Variants in UNC13D observed in about 807,000 individuals in gnomAD.
UNC13D encodes the protein unc-13 homolog D.
A neutral mutation model predicts 151.7 loss-of-function variants in UNC13D; 115 were observed. That is an observed-to-expected ratio of 0.76 (90% CI 0.65 to 0.88). The LOEUF is 0.88. UNC13D is among the 40% of genes least tolerant of loss of function. The probability of loss-of-function intolerance (pLI) is 0.00; values close to 1 mark genes in which losing one functional copy is unlikely to be tolerated. For missense variants in UNC13D, 1,369 were observed against 1,438.7 expected, an observed-to-expected ratio of 0.95 and a Z score of 0.78; for synonymous variants, 588 against 612.2, an observed-to-expected ratio of 0.96 and a Z score of 0.58.
chr17:75,834,549 A>C lies in UNC13D; in HGVS notation c.2092-18T>G, dbSNP rs1364393318. On this transcript the variant is annotated intron_variant, in intron 22 of 31. Transcript: ENST00000207549. ...ACACACAGCTGGGACAGAGATGCAG[A>C]GCTTCCTGAACTGTGCCCAGGCTGG... 2 of 1,605,494 alleles carry C rather than the reference A, an allele frequency of 1.2e-6. No individual in the cohort carries two copies. The highest frequency in any genetic ancestry group is 2.7e-5 in the African/African-American group (2 of 74,844).
chr17:75,830,085 C>T lies in UNC13D; in HGVS notation c.2897G>A (p.Arg966Gln), dbSNP rs761351250. Residue 966 changes from arginine (R) to glutamine (Q), a missense_variant, in exon 30 of 32, where the codon CGG (arginine) becomes CAG (glutamine). Around this residue, in one of 3 missense-constraint regions of UNC13D, gnomAD observed 807 missense variants for 795.5 expected, o/e 1.01. Coordinates refer to ENST00000207549, the MANE Select transcript of UNC13D (RefSeq NM_199242.3). ...GTCCTTCTTGTGCTTCTGGGTCTCC[C>T]GGGCGGCCAGCTCAGGGAACTCATG... Reference protein sequence around the residue: ...PRHEFPELAARETQKHKKDLH... With the variant: ...PRHEFPELAAQETQKHKKDLH... 5.6e-5 allele frequency: 88 copies of T among 1,579,478 alleles called. 1 individual carries two copies. Among genetic ancestry groups the T allele is most frequent in the South Asian group, 5.1e-4 (44 of 86,178 alleles).
At chr17:75,830,241 T>G (rs997636090) in intron 29 of UNC13D, 90 bp from the exon 30 acceptor site, 3 of 1,554,338 alleles carry the variant, frequency 1.9e-6, no homozygotes, top group Non-Finnish European at 2.6e-6. Context: ...CACTGACCCC[T>G]CCTGGTAACT....
Position 75,834,505 on chromosome 17 carries a change from C to G in UNC13D, c.2118G>C (p.Glu706Asp). Residue 706 changes from glutamate (E) to aspartate (D), a missense_variant, in exon 23 of 32, where the codon GAG becomes GAC. Physicochemically the swap from Glu to Asp is conservative, Grantham distance 45. Coordinates refer to ENST00000207549, the MANE Select transcript of UNC13D (RefSeq NM_199242.3). ...ACTTGCCGATCACCAGCCGCAGCTG[C>G]TCCATGTCATTCACCACCACACACA... is the stretch of plus-strand genomic sequence containing the variant. Reference protein sequence around the residue: ...NMLCVVVNDMEQLRLVIGKLP... With the variant: ...NMLCVVVNDMDQLRLVIGKLP... 6.3e-7 allele frequency: 1 copy of G among 1,581,322 alleles called. No homozygotes were observed.
intron 6 of UNC13D, 113 bp downstream of exon 6, chr17:75,842,320 G>C: frequency 6.9e-7 from 1 of 1,443,884 alleles, no homozygotes. Flanking sequence ...TCTTTGCCCA[G>C]GGCCAAACCC....
chr17:75,840,684 C>T lies in UNC13D; in HGVS notation c.683+78G>A. ...CTGGACCCCAAAGGAGCCTGCACCCCAGCATCCAGTGTGCATGTTGGGGGA... is the reference window on the plus strand; with the variant it reads ...CTGGACCCCAAAGGAGCCTGCACCCTAGCATCCAGTGTGCATGTTGGGGGA... On this transcript the variant is annotated intron_variant, in intron 8 of 31. Coordinates refer to ENST00000207549, the MANE Select transcript of UNC13D (RefSeq NM_199242.3). The surrounding 1 kb of genome is among the most constrained non-coding windows in gnomAD (Gnocchi z 4.6). The T allele has an allele frequency of 6.2e-7, 1 of 1,608,882 alleles. No homozygotes were observed. The highest frequency in any genetic ancestry group is 1.7e-5 in the Admixed American group (1 of 60,014).
In UNC13D at chr17:75,831,294, G is replaced by A; in HGVS notation, c.2502C>T (p.Ala834=). 1 of 1,613,788 alleles carries A rather than the reference G, an allele frequency of 6.2e-7. No individual in the cohort carries two copies. The highest frequency in any genetic ancestry group is 8.5e-7 in the Non-Finnish European group (1 of 1,180,028). ...HTLTVLVEAA[A]SQRSSSLASN... is the part of the protein sequence containing the mutation. ...AAGCCAGGGATGAGCTGCGCTGGGA[G>A]GCGGCCGCCTCCACCAGCACTGTGA... Residue 834 remains alanine (A), a synonymous_variant, in exon 26 of 32, where the codon GCC becomes GCT. Coordinates refer to ENST00000207549, the MANE Select transcript of UNC13D (RefSeq NM_199242.3).
rs2064865218 is a variant in UNC13D at position 75,830,617 on chromosome 17, T to G, written c.2670A>C (p.Glu890Asp). 1 of 1,558,140 alleles carries G rather than the reference T, an allele frequency of 6.4e-7. No homozygotes were observed. Among genetic ancestry groups the G allele is most frequent in the Non-Finnish European group, 8.7e-7 (1 of 1,151,292 alleles). The change falls in exon 28 of 32, where the codon GAA (glutamate) becomes GAC (aspartate). Residue 890 changes from glutamate to aspartate, a missense_variant. By Grantham distance (45) the Glu-to-Asp change is conservative (BLOSUM62 2). Transcript: ENST00000207549. ...DLELQAASSR[E>D]LIRKYFCSRI... Reference sequence around the variant, plus strand: ...GGCTGCAGAAGTACTTCCGGATGAGTTCCCGGCTGGAGGCCGCCTGCAGCT... The same window carrying G: ...GGCTGCAGAAGTACTTCCGGATGAGGTCCCGGCTGGAGGCCGCCTGCAGCT...
chr17:75,828,209 C>A, intron 31 of UNC13D, 123 bp from the exon 32 acceptor site: 1 of 1,422,834 alleles, frequency 7.0e-7, no homozygotes. Context: ...TGGAAGGAAA[C>A]AAGTGACAGA....
chr17:75,830,003 T>C, intron 30 of UNC13D, 25 bp downstream of exon 30: 1 of 1,569,422 alleles, frequency 6.4e-7, no homozygotes, highest in Non-Finnish European at 8.6e-7. Flanking sequence ...GGGGAGGGAC[T>C]GGGAGAAGAA....
In UNC13D at chr17:75,827,569, TCCCAGTGAACCTGGC is replaced by T; in HGVS notation, c.*381_*395del. The T allele has an allele frequency of 6.5e-7, 1 of 1,535,054 alleles. No homozygotes were observed. The highest frequency in any genetic ancestry group is 8.7e-7 in the Non-Finnish European group (1 of 1,146,590). On this transcript the variant is annotated 3_prime_UTR_variant, in exon 32 of 32. Transcript: ENST00000207549. ...GGAGACTCTGTGCCTGTAGCCCTGG[TCCCAGTGAACCTGGC>T]CCCCACCCCAGTGGCTGGAACAGGA...
chr17:75,836,031 A>ATG lies in UNC13D; in HGVS notation c.1523_1524dup (p.Trp509HisfsTer40), dbSNP rs1325979868. On this transcript the variant is annotated frameshift_variant, in exon 17 of 32. Transcript: ENST00000207549. LOFTEE classifies it high-confidence loss of function. The stretch of plus-strand genomic sequence containing the variant: ...GCTCACTTGTGGAAGATCTTGTCCC[A>ATG]TGTGCGCTGGCACTGGTGCAGGTCG... 1 of 1,614,004 alleles carries ATG rather than the reference A, an allele frequency of 6.2e-7. No individual in the cohort carries two copies. Among genetic ancestry groups the ATG allele is most frequent in the South Asian group, 1.1e-5 (1 of 91,086 alleles).
At chr17:75,843,436 C>A in intron 2 of UNC13D, 48 bp downstream of exon 2, 2 of 1,584,592 alleles carry the variant, frequency 1.3e-6, no homozygotes, top group South Asian at 2.3e-5. Flanking sequence ...CAGGAGGACA[C>A]ACAGCCGCCC....
Position 75,830,087 on chromosome 17 carries a change from G to A in UNC13D, c.2895C>T (p.Ala965=), listed in dbSNP as rs1183166401. ...EPRHEFPELA[A]RETQKHKKDL... ...CCTTCTTGTGCTTCTGGGTCTCCCG[G>A]GCGGCCAGCTCAGGGAACTCATGCC... Residue 965 remains alanine, a synonymous_variant, in exon 30 of 32, where the codon GCC becomes GCT. Coordinates refer to ENST00000207549, the MANE Select transcript of UNC13D (RefSeq NM_199242.3). 2 of 1,580,400 alleles carry A rather than the reference G, an allele frequency of 1.3e-6. No homozygotes were observed. The highest frequency in any genetic ancestry group is 1.3e-5 in the African/African-American group (1 of 74,364).
Position 75,827,636 on chromosome 17 carries a change from C to G in UNC13D, c.*329G>C, listed in dbSNP as rs1324201643. ...GGCCAGGAGGCAGATGGGCCAGGGC[C>G]AGGAGACAGATGGCCCAATCCCCTG... On this transcript the variant is annotated 3_prime_UTR_variant, in exon 32 of 32. Transcript: ENST00000207549. 1.3e-6 allele frequency: 2 copies of G among 1,535,342 alleles called. No individual in the cohort carries two copies. The highest frequency in any genetic ancestry group is 3.9e-5 in the Admixed American group (2 of 50,986).
chr17:75,827,989 C>T lies in UNC13D; in HGVS notation c.3249G>A (p.Gln1083=), dbSNP rs771620820. 1.2e-6 allele frequency: 2 copies of T among 1,603,572 alleles called. No homozygotes were observed. The highest frequency in any genetic ancestry group is 1.7e-6 in the Non-Finnish European group (2 of 1,176,320). The part of the protein sequence containing the change: ...LRRHRAKQAS[Q]HALRPAP ...GCTACGGTGCCGGCCGCAAGGCATG[C>T]TGGGAGGCCTGCTTGGCCCGGTGCC... The change falls in exon 32 of 32, where the codon CAG becomes CAA. Residue 1083 remains glutamine, a synonymous_variant. Coordinates refer to ENST00000207549, the MANE Select transcript of UNC13D (RefSeq NM_199242.3).
At position 75,835,926 on chromosome 17, in the gene UNC13D, T is replaced by C; in HGVS notation, c.1545-20A>G. ...AGGGTACTGGAGGAAAGGCAGCAGG[T>C]GTCACCCAGTGGCATACACCAGGGT... On this transcript the variant is annotated intron_variant, in intron 17 of 31. Coordinates refer to ENST00000207549, the MANE Select transcript of UNC13D (RefSeq NM_199242.3). 1 of 1,614,134 alleles carries C rather than the reference T, an allele frequency of 6.2e-7. No individual in the cohort carries two copies. Among genetic ancestry groups the C allele is most frequent in the Non-Finnish European group, 8.5e-7 (1 of 1,180,026 alleles).
rs1259170363 is a variant in UNC13D at position 75,836,927 on chromosome 17, G to A, written c.1056-9C>T. 2 of 1,611,930 alleles carry A rather than the reference G, an allele frequency of 1.2e-6. No homozygotes were observed. The highest frequency in any genetic ancestry group is 1.7e-5 in the Admixed American group (1 of 60,018). ...TGTAGGCCAGCCACTGCCTGCAGGG[G>A]ACAGGAAGCCCTCAGCTGGACAGGG... On this transcript the variant is annotated splice_polypyrimidine_tract_variant and intron_variant, in intron 12 of 31. Transcript: ENST00000207549.
rs3217698 is a variant in UNC13D at position 75,831,355 on chromosome 17, C to CGG, written c.2448-9_2448-8dup. ...CCAGAGCAGGGTCAGGAGGCTGGGGCGGGGCCGGAGGGATGCGGACACAGC... is the reference window on the plus strand; with the variant it reads ...CCAGAGCAGGGTCAGGAGGCTGGGGCGGGGGGCCGGAGGGATGCGGACACAGC... On this transcript the variant is annotated splice_region_variant and splice_polypyrimidine_tract_variant and intron_variant, in intron 25 of 31. Coordinates refer to ENST00000207549, the MANE Select transcript of UNC13D (RefSeq NM_199242.3). The CGG allele has an allele frequency of 1.2e-6, 2 of 1,609,170 alleles. No homozygotes were observed. Among genetic ancestry groups the CGG allele is most frequent in the East Asian group, 4.5e-5 (2 of 44,830 alleles).
In UNC13D at chr17:75,834,450, C is replaced by G. The variant is rs1025843827; in HGVS notation, c.2173G>C (p.Glu725Gln). 7.7e-6 allele frequency: 12 copies of G among 1,563,976 alleles called. No homozygotes were observed. In the Admixed American group the frequency reaches 1.5e-4, roughly 20 times the overall value. The change falls in exon 23 of 32, where the codon GAG (glutamate) becomes CAG (glutamine). Residue 725 changes from glutamate to glutamine, a missense_variant. Transcript: ENST00000207549. ...TCCAGCACGGCCCCTACCCGCTGCT[C>G]CAGGGCCTCCCATGCCAGCTGGGCG... ...LPAQLAWEAL[E>Q]QRVGAVLEQG... is the part of the protein sequence containing the mutation.
Sources: gnomAD v4.1 joint callset for allele counts on GRCh38, gnomAD v4.1.1 for gene constraint, gnomAD v4.1.1 regional missense constraint, Gnocchi (gnomAD v3.1) non-coding constraint, MANE v1.5 for transcripts, NCBI Gene and HGNC (gene_info 2026-07-23, HGNC 2026-07-21) for gene names.